The following LIPK variants were observed in gnomAD, a reference collection of about 807,000 sequenced individuals.
The protein encoded by LIPK is lipase family member K.
LIPK carries 32 observed loss-of-function variants against 48.6 expected under a neutral mutation model. The ratio of observed to expected loss-of-function variants is 0.66; its 90% confidence interval spans 0.50 to 0.88. The LOEUF (loss-of-function observed/expected upper bound fraction) is 0.88. Among genes scored for constraint, LIPK ranks in the 40% least tolerant of loss-of-function variants. The pLI, the probability that LIPK is intolerant of heterozygous loss-of-function variation, is 0.00. For synonymous variants in LIPK, 164 were observed against 157.4 expected (o/e 1.04, Z -0.32); for missense variants, 507 against 478.5 (o/e 1.06, Z -0.56).
Position 88,732,511 on chromosome 10 carries a change from CT to C in LIPK, c.630del (p.Met211Ter). ...GTCACAGTTAAATACACCCAAAGTC[CT>C]ATGAAAAAACTAACAACCCTTTCCA... ...PVVTVKYTQS[P>X]MKKLTTLSRR... On this transcript the variant is annotated frameshift_variant, in exon 6 of 10. Coordinates refer to ENST00000404190, the MANE Select transcript of LIPK (RefSeq NM_001080518.2). LOFTEE classifies it high-confidence loss of function. 1 of 1,612,392 alleles carries C rather than the reference CT, an allele frequency of 6.2e-7. No individual in the cohort carries two copies.
At chr10:88,720,041 G>A (rs1842192722) in intron 1 of LIPK, among the ~76,000 whole-genome samples, 1 of 152,168 alleles carries the variant, frequency 6.6e-6, no homozygotes, top group Non-Finnish European at 1.5e-5. Context: ...CCTACTGACT[G>A]CAGTAGCTAG....
chr10:88,752,341 A>G (rs1316364306), intron 9 of LIPK, among the ~76,000 whole-genome samples, 176 bp from the exon 10 acceptor site: 3 of 152,224 alleles, frequency 2.0e-5, no homozygotes, highest in African/African-American at 7.2e-5. Context: ...AATTCATATT[A>G]CTGCACGAGA....
In LIPK at chr10:88,724,534, CA is replaced by C. The variant is rs1358744257; in HGVS notation, c.-9del. 1.3e-6 allele frequency: 2 copies of C among 1,567,038 alleles called. No homozygotes were observed. Among genetic ancestry groups the C allele is most frequent in the African/African-American group, 2.7e-5 (2 of 73,510 alleles). On this transcript the variant is annotated splice_region_variant and 5_prime_UTR_variant, in exon 2 of 10. Transcript: ENST00000404190. ...AATATATTAAATTTCCTTTCCTAGGCAGATCCCAAATGTGGCAGCTTTTAGC... is the reference window on the plus strand; with the variant it reads ...AATATATTAAATTTCCTTTCCTAGGCGATCCCAAATGTGGCAGCTTTTAGC...
In LIPK at chr10:88,743,455, T is replaced by C. The variant is rs190629942; in HGVS notation, c.960+134T>C. On this transcript the variant is annotated intron_variant, in intron 9 of 9. Coordinates refer to ENST00000404190, the MANE Select transcript of LIPK (RefSeq NM_001080518.2). ...TATTGCTGTTCTCACAGGCTGCTTA[T>C]TGGGTTCTTGCCATATGCCATATCA... 25 of 610,570 alleles carry C rather than the reference T, an allele frequency of 4.1e-5. No individual in the cohort carries two copies. In the Middle Eastern group the frequency reaches 1.1e-3, roughly 27 times the overall value. 37.8% of individuals were successfully genotyped at this position (610,570 alleles called of 1,614,324 possible). A position where few individuals can be genotyped will look rare whatever the true frequency, so the allele number is the denominator to read the frequency against.
intron 2 of LIPK, among the ~76,000 whole-genome samples, chr10:88,726,510 G>C (rs1014598693): frequency 6.6e-6 from 1 of 152,178 alleles, no homozygotes; most frequent in African/African-American, 2.4e-5. Context: ...GGGCAACATG[G>C]TGAAACCCCA....
intron 8 of LIPK, among the ~76,000 whole-genome samples, chr10:88,740,815 C>T (rs546586714): frequency 1.3e-4 from 20 of 152,238 alleles, no homozygotes; most frequent in African/African-American, 4.8e-4. Context: ...GAGACCCCCC[C>T]CCAACCAGGA....
At chr10:88,733,179 A>G (rs954231721) in intron 6 of LIPK, among the ~76,000 whole-genome samples, 1 of 152,184 alleles carries the variant, frequency 6.6e-6, no homozygotes, top group South Asian at 2.1e-4. Flanking sequence ...ACCTTGTTTC[A>G]TTTCCTGACA....
Position 88,731,084 on chromosome 10 carries a change from A to C in LIPK, c.325A>C (p.Ser109Arg), listed in dbSNP as rs761412649. 6.2e-7 allele frequency: 1 copy of C among 1,607,048 alleles called. No individual in the cohort carries two copies. Among genetic ancestry groups the C allele is most frequent in the East Asian group, 2.2e-5 (1 of 44,780 alleles). Reference sequence around the variant, plus strand: ...CAGTTTGGCTTTCCTTCTGGCAGATAGTGGTTATGACGTGTGGTTGGGGAA... The same window carrying C: ...CAGTTTGGCTTTCCTTCTGGCAGATCGTGGTTATGACGTGTGGTTGGGGAA... ...NNSLAFLLAD[S>R]GYDVWLGNSR... Residue 109 changes from serine (S) to arginine (R), a missense_variant, in exon 4 of 10, where the codon AGT (serine) becomes CGT (arginine). By Grantham distance (110) the Ser-to-Arg change is moderately radical (BLOSUM62 -1). Transcript: ENST00000404190.
At position 88,752,691 on chromosome 10, in the gene LIPK, G is replaced by A. The variant is rs1251275049; in HGVS notation, c.1135G>A (p.Glu379Lys). The A allele has an allele frequency of 4.4e-6, 7 of 1,576,268 alleles. No homozygotes were observed. Among genetic ancestry groups the A allele is most frequent in the South Asian group, 1.2e-5 (1 of 86,068 alleles). Residue 379 changes from glutamate (E) to lysine (K), a missense_variant, in exon 10 of 10, where the codon GAG becomes AAG. By Grantham distance (56) the Glu-to-Lys change is moderately conservative. Transcript: ENST00000404190. ...CAATCATGTGGATTTTTACCTTGGA[G>A]AGGATGCACCTCAGGAAATTTACCA... is the stretch of plus-strand genomic sequence containing the variant. The part of the protein sequence containing the change: ...HYNHVDFYLG[E>K]DAPQEIYQDL...
intron 6 of LIPK, among the ~76,000 whole-genome samples, chr10:88,733,855 A>G (rs1284333631): frequency 1.3e-5 from 2 of 152,228 alleles, no homozygotes; most frequent in Non-Finnish European, 2.9e-5. Context: ...GGAAACAGCT[A>G]TGTCTACAAG....
At chr10:88,730,933 A>T in intron 3 of LIPK, 50 bp from the exon 4 acceptor site, 1 of 1,428,202 alleles carries the variant, frequency 7.0e-7, no homozygotes, top group Non-Finnish European at 9.4e-7. Flanking sequence ...TTTTTCTTGT[A>T]GACACTGAGA....
At chr10:88,737,198 T>C (rs1842589436) in intron 6 of LIPK, among the ~76,000 whole-genome samples, 1 of 152,230 alleles carries the variant, frequency 6.6e-6, no homozygotes, top group East Asian at 1.9e-4. Flanking sequence ...GTGCGCTAGA[T>C]GCTAGGAACT....
rs1842880762 is a variant in LIPK, at chr10:88,752,517, C to T, written c.961C>T (p.Leu321Phe). 6.5e-7 allele frequency: 1 copy of T among 1,537,956 alleles called. No individual in the cohort carries two copies. Among genetic ancestry groups the T allele is most frequent in the Non-Finnish European group, 8.8e-7 (1 of 1,133,164 alleles). The change falls in exon 10 of 10, where the codon CTT becomes TTT. Residue 321 changes from leucine (L) to phenylalanine (F), a missense_variant and splice_region_variant. Transcript: ENST00000404190. Reference sequence around the variant, plus strand: ...TCTCTCTCTCTTTTATTGTATTTAGCTTACACCTCCTTTATACAACATTAC... The same window carrying T: ...TCTCTCTCTCTTTTATTGTATTTAGTTTACACCTCCTTTATACAACATTAC... The part of the protein sequence containing the change: ...SDQNMMHFHQ[L>F]TPPLYNITKM...
chr10:88,744,890 T>C (rs545422494), intron 9 of LIPK, among the ~76,000 whole-genome samples: 1 of 152,162 alleles, frequency 6.6e-6, no homozygotes, highest in South Asian at 2.1e-4. Context: ...TCCAGTAAAA[T>C]AATTTAAGAG....
intron 8 of LIPK, among the ~76,000 whole-genome samples, chr10:88,742,079 G>A (rs1237195533): frequency 6.6e-6 from 1 of 152,162 alleles, no homozygotes; most frequent in Non-Finnish European, 1.5e-5. Context: ...CACAAAGTGG[G>A]AAGTGCCACA....
intron 3 of LIPK, chr10:88,728,513 C>G (rs1391115750): frequency 7.2e-6 from 2 of 276,550 alleles, no homozygotes; most frequent in Non-Finnish European, 1.5e-5. Flanking sequence ...ATTAAGGACT[C>G]AACGCTGAGC....
At chr10:88,717,226 G>A (rs182493) in intron 1 of LIPK, among the ~76,000 whole-genome samples, 119,307 of 152,116 alleles carry the variant, frequency 0.78, 47,759 homozygotes, top group East Asian at 1. Flanking sequence ...CCTTTGGAAT[G>A]TCTCTCTGCT....
chr10:88,737,582 A>G lies in LIPK; in HGVS notation c.670-53A>G, dbSNP rs79906718. 2,198 of 1,588,118 alleles carry G rather than the reference A, an allele frequency of 1.4e-3. 26 individuals are homozygous for G. The African/African-American group carries it at 0.027, about 19-fold the overall frequency. The stretch of plus-strand genomic sequence containing the variant: ...CCTTCTTTGAACTATCTCTTTCTCC[A>G]CTTTTGATATCCACGCCTGTAAGAT... On this transcript the variant is annotated intron_variant, in intron 6 of 9. Transcript: ENST00000404190.
At chr10:88,735,551 C>T (rs891497558) in intron 6 of LIPK, among the ~76,000 whole-genome samples, 1 of 152,188 alleles carries the variant, frequency 6.6e-6, no homozygotes, top group African/African-American at 2.4e-5. Context: ...CAATGCCAAC[C>T]TGAAGAAGTT....
Sources: allele counts gnomAD v4.1 joint callset (sites outside exome capture counted in the v4.1 genomes callset), GRCh38; gene constraint gnomAD v4.1.1; transcripts MANE v1.5; gene names NCBI Gene and HGNC (gene_info 2026-07-23, HGNC 2026-07-21).